Variants in CFAP58 observed in about 807,000 individuals in gnomAD.
The protein encoded by CFAP58 is cilia- and flagella-associated protein 58.
In CFAP58, 88 loss-of-function variants were observed where a neutral mutation model predicts 119.5. That is an observed-to-expected ratio of 0.74 (90% CI 0.62 to 0.88). CFAP58 has a LOEUF of 0.88. CFAP58 is among the 40% of genes least tolerant of loss of function. CFAP58 has a pLI of 0.00. For missense variants in CFAP58, 990 were observed against 1,021.2 expected (o/e 0.97, Z 0.42); for synonymous variants, 365 against 366.3 (o/e 1.00, Z 0.04).
At chr10:104,365,551 G>T (rs1052965922) in intron 4 of CFAP58, among the ~76,000 whole-genome samples, 2 of 152,096 alleles carry the variant, frequency 1.3e-5, no homozygotes, top group African/African-American at 2.4e-5. Flanking sequence ...GCTTCCATAT[G>T]TATTTGATTT....
Position 104,376,851 on chromosome 10 carries a change from G to A in CFAP58, c.1131G>A (p.Lys377=), listed in dbSNP as rs1441890102. The A allele has an allele frequency of 1.2e-6, 2 of 1,613,518 alleles. No individual in the cohort carries two copies. The highest frequency in any genetic ancestry group is 1.7e-6 in the Non-Finnish European group (2 of 1,179,832). ...ASKKQAELDR[K]AMDELLRERD... ...AGAAACAAGCAGAACTTGACAGAAA[G>A]GCAATGGACGAGCTTCTAAGAGAAA... The change falls in exon 8 of 18, where the codon AAG becomes AAA. Residue 377 remains lysine, a synonymous_variant. Transcript: ENST00000369704.
At chr10:104,338,559 C>T in the CFAP58 span, among the ~76,000 whole-genome samples, 1 of 152,238 alleles carries the variant, frequency 6.6e-6, no homozygotes, top group Non-Finnish European at 1.5e-5. Context: ...GTGTGGGTTT[C>T]GGTGGTTGGG....
chr10:104,404,835 G>A (rs763020503), intron 14 of CFAP58, among the ~76,000 whole-genome samples: 1 of 152,214 alleles, frequency 6.6e-6, no homozygotes, highest in South Asian at 2.1e-4. Flanking sequence ...CTGACCTCGT[G>A]ATCCGCCCAC....
At chr10:104,368,934 G>A (rs1475166378) in intron 6 of CFAP58, among the ~76,000 whole-genome samples, 2 of 152,184 alleles carry the variant, frequency 1.3e-5, no homozygotes, top group Non-Finnish European at 2.9e-5. Flanking sequence ...GGGATGGAAT[G>A]GCTGGGAGAG....
upstream of CFAP58, among the ~76,000 whole-genome samples, chr10:104,350,111 A>G (rs2014442785): frequency 6.6e-6 from 1 of 152,184 alleles, no homozygotes; most frequent in Admixed American, 6.5e-5. Context: ...GTTGGCGTGC[A>G]CAATTTGCTT....
intron 15 of CFAP58, among the ~76,000 whole-genome samples, chr10:104,427,038 A>T (rs1318937146): frequency 6.6e-6 from 1 of 152,230 alleles, no homozygotes; most frequent in Non-Finnish European, 1.5e-5. Context: ...GCCACTGCAG[A>T]GGAAGCTTGC....
At chr10:104,340,284 ATGCTC>A in the CFAP58 span, among the ~76,000 whole-genome samples, 83 of 152,028 alleles carry the variant, frequency 5.5e-4, no homozygotes, top group Non-Finnish European at 4.1e-4. Flanking sequence ...AGAACGTGAT[ATGCTC>A]TTTGATATGC....
At chr10:104,395,566 C>T (rs1334065618) in intron 11 of CFAP58, among the ~76,000 whole-genome samples, 1 of 152,128 alleles carries the variant, frequency 6.6e-6, no homozygotes, top group Admixed American at 6.5e-5. Context: ...TAATTTTGGC[C>T]TATCATTAAG....
At chr10:104,367,670 G>C (rs935878891) in intron 5 of CFAP58, among the ~76,000 whole-genome samples, 1 of 152,112 alleles carries the variant, frequency 6.6e-6, no homozygotes. Context: ...TTCTTTTCAT[G>C]CTTAATTTTT....
At chr10:104,379,948 A>C in intron 8 of CFAP58, 81 bp from the exon 9 acceptor site, 1 of 1,087,744 alleles carries the variant, frequency 9.2e-7, no homozygotes, top group Non-Finnish European at 1.3e-6. Flanking sequence ...TAATTATGTT[A>C]GAGATGAGGC....
intron 11 of CFAP58, among the ~76,000 whole-genome samples, chr10:104,397,391 C>T (rs2012183402): frequency 6.6e-6 from 1 of 151,922 alleles, no homozygotes; most frequent in South Asian, 2.1e-4. Flanking sequence ...TAAAAGAAAC[C>T]CTTTGTTTTA....
chr10:104,450,669 TTTTA>T (rs3069011), intron 17 of CFAP58, among the ~76,000 whole-genome samples: 8,591 of 143,254 alleles, frequency 0.06, 597 homozygotes, highest in African/African-American at 0.18. Flanking sequence ...TTCACCTATG[TTTTA>T]TTTATTTATT....
upstream of CFAP58, among the ~76,000 whole-genome samples, chr10:104,351,061 C>T (rs1297221816): frequency 6.6e-6 from 1 of 152,166 alleles, no homozygotes; most frequent in African/African-American, 2.4e-5. Context: ...ATCCTACAAA[C>T]CGATGGTCCC....
Position 104,376,913 on chromosome 10 carries a change from A to C in CFAP58, c.1173+20A>C. The stretch of plus-strand genomic sequence containing the variant: ...AATAAGGTGAGTGTGTTACAGTCAC[A>C]CTGGTAAATAAATGTCTTTCTTCAG... On this transcript the variant is annotated intron_variant, in intron 8 of 17. Transcript: ENST00000369704. The C allele has an allele frequency of 1.3e-6, 2 of 1,552,088 alleles. No homozygotes were observed. Among genetic ancestry groups the C allele is most frequent in the East Asian group, 2.2e-5 (1 of 44,476 alleles).
chr10:104,403,908 C>A, intron 14 of CFAP58, 68 bp downstream of exon 14: 2 of 954,494 alleles, frequency 2.1e-6, no homozygotes, highest in East Asian at 5.3e-5. Context: ...AGCTTCTAAC[C>A]TAAAGCACAA....
At chr10:104,347,110 T>C in the CFAP58 span, among the ~76,000 whole-genome samples, 1 of 152,024 alleles carries the variant, frequency 6.6e-6, no homozygotes, top group Non-Finnish European at 1.5e-5. Context: ...GAGCAGCTGC[T>C]TTTAAGCCAA....
At chr10:104,366,866 T>C (rs1193992050) in intron 5 of CFAP58, among the ~76,000 whole-genome samples, 1 of 151,916 alleles carries the variant, frequency 6.6e-6, no homozygotes, top group Admixed American at 6.6e-5. Context: ...TATTTATTTT[T>C]ATTTTTATTT....
intron 15 of CFAP58, among the ~76,000 whole-genome samples, chr10:104,426,890 T>C (rs2012759752): frequency 6.6e-6 from 1 of 152,248 alleles, no homozygotes; most frequent in Admixed American, 6.5e-5. Flanking sequence ...TTTCCAATAA[T>C]CATTCAATTT....
chr10:104,412,108 T>C (rs2012470553), intron 15 of CFAP58, among the ~76,000 whole-genome samples: 1 of 152,222 alleles, frequency 6.6e-6, no homozygotes, highest in Non-Finnish European at 1.5e-5. Flanking sequence ...AAACTCATGC[T>C]GAATTGTTTT....
Sources: allele counts gnomAD v4.1 joint callset (sites outside exome capture counted in the v4.1 genomes callset), GRCh38; gene constraint gnomAD v4.1.1; transcripts MANE v1.5; gene names NCBI Gene and HGNC (gene_info 2026-07-23, HGNC 2026-07-21).